SCAPER: variants seen among roughly 807,000 people sequenced by gnomAD.
SCAPER encodes the protein S-phase cyclin A associated protein in the ER.
A neutral mutation model predicts 182.2 loss-of-function variants in SCAPER; 98 were observed. The ratio of observed to expected loss-of-function variants is 0.54; its 90% CI spans 0.46 to 0.64. SCAPER has a LOEUF of 0.64. Among genes scored for constraint, SCAPER ranks in the 30% least tolerant of loss-of-function variants. The pLI is 0.00. For synonymous variants in SCAPER, 605 were observed against 564.6 expected (o/e 1.07, Z -1.01); for missense variants, 1,432 against 1,690.0 (o/e 0.85, Z 2.68).
chr15:76,887,456 C>A (rs547202644), intron 1 of SCAPER, among the ~76,000 whole-genome samples: 31 of 152,230 alleles, frequency 2.0e-4, no homozygotes, highest in African/African-American at 7.5e-4. Context: ...GCCCAAATAC[C>A]GCGCTTTTCC....
intron 24 of SCAPER, among the ~76,000 whole-genome samples, chr15:76,491,126 T>C (rs2052258186): frequency 6.6e-6 from 1 of 152,220 alleles, no homozygotes; most frequent in Admixed American, 6.5e-5. Flanking sequence ...ATCAGTTGAC[T>C]GTATATACAC....
rs552738668 is a variant in SCAPER, at chr15:76,417,784, C to T, written c.3312-13105G>A. ...CCTGTAATCCCACAACTTTGGGAGG[C>T]CGAGGTGGGCGGATCACGAGGTCAA... On this transcript the variant is annotated intron_variant, in intron 26 of 31. Transcript: ENST00000563290. Among the ~76,000 whole-genome samples the T allele has an allele frequency of 1.1e-4, 16 of 152,264 alleles. No individual in the cohort carries two copies. The East Asian group carries it at 2.9e-3, about 28-fold the overall frequency.
chr15:76,625,405 A>C (rs900632175), intron 21 of SCAPER, among the ~76,000 whole-genome samples: 36 of 152,142 alleles, frequency 2.4e-4, no homozygotes, highest in African/African-American at 8.2e-4. Flanking sequence ...TGCTGTTGGC[A>C]GGGAAGTTCA....
chr15:76,619,876 G>A (rs146575739), intron 22 of SCAPER, among the ~76,000 whole-genome samples: 7 of 152,198 alleles, frequency 4.6e-5, no homozygotes, highest in African/African-American at 1.4e-4. Context: ...GCAGGAGTTC[G>A]AGACCAGCCT....
chr15:76,641,324 G>T (rs2054086102), intron 21 of SCAPER, among the ~76,000 whole-genome samples: 1 of 152,102 alleles, frequency 6.6e-6, no homozygotes. Context: ...TTATGTTAAA[G>T]AATTACTTCA....
intron 20 of SCAPER, among the ~76,000 whole-genome samples, chr15:76,700,607 T>C (rs2058889949): frequency 6.6e-6 from 1 of 152,136 alleles, no homozygotes; most frequent in South Asian, 2.1e-4. Context: ...GCCAGCCTTC[T>C]TGATGGTCTG....
intron 5 of SCAPER, among the ~76,000 whole-genome samples, chr15:76,825,949 T>A (rs923008563): frequency 6.6e-6 from 1 of 152,178 alleles, no homozygotes; most frequent in Non-Finnish European, 1.5e-5. Flanking sequence ...TTCACCATAT[T>A]GGTCAGGCTG....
At chr15:76,807,616 C>G (rs2066270237) in intron 5 of SCAPER, among the ~76,000 whole-genome samples, 2 of 151,642 alleles carry the variant, frequency 1.3e-5, no homozygotes, top group African/African-American at 4.8e-5. Context: ...ATGTGCCATG[C>G]TGGTGCACTG....
chr15:76,771,186 A>G (rs543891060), intron 10 of SCAPER, among the ~76,000 whole-genome samples: 22 of 152,248 alleles, frequency 1.4e-4, no homozygotes, highest in African/African-American at 5.1e-4. Context: ...CAGGTCAAGT[A>G]TCCTAATACT....
At chr15:76,666,145 A>G (rs1321439800) in intron 20 of SCAPER, among the ~76,000 whole-genome samples, 1 of 152,228 alleles carries the variant, frequency 6.6e-6, no homozygotes, top group Non-Finnish European at 1.5e-5. Flanking sequence ...TAAGAACCCG[A>G]AGAGGGAAAC....
intron 23 of SCAPER, among the ~76,000 whole-genome samples, chr15:76,522,995 ATT>A (rs1175589190): frequency 6.6e-6 from 1 of 151,970 alleles, no homozygotes; most frequent in Non-Finnish European, 1.5e-5. Context: ...TCCAAAATGC[ATT>A]GTTACTACAT....
At chr15:76,883,675 A>C in intron 2 of SCAPER, 137 bp downstream of exon 2, 1 of 737,438 alleles carries the variant, frequency 1.4e-6, no homozygotes, top group Non-Finnish European at 2.1e-6. Context: ...ATAGCTGCTC[A>C]CTTTATCACT....
intron 1 of SCAPER, among the ~76,000 whole-genome samples, chr15:76,884,768 A>C (rs1002511433): frequency 3.3e-5 from 5 of 152,240 alleles, no homozygotes; most frequent in African/African-American, 9.6e-5. Flanking sequence ...CCAAATACCT[A>C]TCAACTGATG....
At chr15:76,769,560 GA>G (rs1261735006) in intron 10 of SCAPER, among the ~76,000 whole-genome samples, 18 of 151,864 alleles carry the variant, frequency 1.2e-4, no homozygotes, top group Admixed American at 7.2e-4. Flanking sequence ...ACAGACACAT[GA>G]AAAAATTTTC....
intron 5 of SCAPER, among the ~76,000 whole-genome samples, chr15:76,819,629 T>C (rs533274363): frequency 9.9e-5 from 15 of 151,830 alleles, no homozygotes; most frequent in East Asian, 3.9e-4. Flanking sequence ...ACCACAAAGA[T>C]AGGGAAAAAA....
intron 26 of SCAPER, among the ~76,000 whole-genome samples, chr15:76,433,750 T>C (rs867620118): frequency 9.8e-5 from 15 of 152,356 alleles, no homozygotes; most frequent in Middle Eastern, 3.4e-3. Context: ...TGCTCTTCCG[T>C]GTTTTCCAAA....
At chr15:76,591,889 A>G (rs569399914) in intron 22 of SCAPER, among the ~76,000 whole-genome samples, 5 of 152,220 alleles carry the variant, frequency 3.3e-5, no homozygotes, top group South Asian at 2.1e-4. Context: ...GCAAAACCCC[A>G]TATCTACAAA....
chr15:76,853,533 A>G (rs2071004404), intron 4 of SCAPER, among the ~76,000 whole-genome samples: 1 of 152,092 alleles, frequency 6.6e-6, no homozygotes, highest in African/African-American at 2.4e-5. Flanking sequence ...AATGTGATTC[A>G]ACACCTAAAC....
At chr15:76,838,878 C>A (rs574620559) in intron 5 of SCAPER, among the ~76,000 whole-genome samples, 2 of 152,174 alleles carry the variant, frequency 1.3e-5, no homozygotes, top group Non-Finnish European at 2.9e-5. Context: ...ACAACCAACT[C>A]TTTCAACCCT....
Sources: gnomAD v4.1 joint callset for allele counts (sites outside exome capture counted in the v4.1 genomes callset) on GRCh38, gnomAD v4.1.1 for gene constraint, MANE v1.5 for transcripts, NCBI Gene and HGNC (gene_info 2026-07-23, HGNC 2026-07-21) for gene names.